Variants in GLB1 observed in about 807,000 individuals in gnomAD.
The protein encoded by GLB1 is galactosidase beta 1, also known as beta-galactosidase.
In GLB1, 56 loss-of-function variants were observed where a neutral mutation model predicts 74.0. The ratio of observed to expected loss-of-function variants is 0.76; its 90% CI spans 0.61 to 0.94. The LOEUF (loss-of-function observed/expected upper bound fraction) is 0.94, where lower values mean the gene tolerates loss of function less well. Ranked by LOEUF, GLB1 falls within the 40% of genes least tolerant of loss-of-function variation. The probability of loss-of-function intolerance (pLI) is 0.00; values close to 1 mark genes in which losing one functional copy is unlikely to be tolerated. For missense variants in GLB1, 787 were observed against 845.5 expected (o/e 0.93, Z 0.86); for synonymous variants, 323 against 323.6 (o/e 1.00, Z 0.02).
the GLB1 span, among the ~76,000 whole-genome samples, chr3:32,989,959 C>A: frequency 6.6e-6 from 1 of 152,190 alleles, no homozygotes; most frequent in Non-Finnish European, 1.5e-5. Flanking sequence ...TGTTATTATT[C>A]TTATTAAGCA....
chr3:32,990,867 G>A, the GLB1 span, among the ~76,000 whole-genome samples: 2 of 152,064 alleles, frequency 1.3e-5, no homozygotes, highest in Admixed American at 6.5e-5. Context: ...CCAGCTACTC[G>A]GGAGGCTGAG....
intron 2 of GLB1, among the ~76,000 whole-genome samples, chr3:33,070,511 C>G (rs1410562443): frequency 6.6e-6 from 1 of 152,146 alleles, no homozygotes; most frequent in Non-Finnish European, 1.5e-5. Flanking sequence ...ACAACAACAA[C>G]AGAAAACTCC....
chr3:33,037,708 A>G (rs892638937), intron 10 of GLB1, among the ~76,000 whole-genome samples: 1 of 152,212 alleles, frequency 6.6e-6, no homozygotes, highest in Non-Finnish European at 1.5e-5. Flanking sequence ...GGAGCAATTG[A>G]GCAATGGTGA....
intron 10 of GLB1, among the ~76,000 whole-genome samples, chr3:33,041,390 G>A (rs1050774263): frequency 6.6e-6 from 1 of 152,180 alleles, no homozygotes; most frequent in African/African-American, 2.4e-5. Context: ...GGCCGGGCAT[G>A]GTGGCTCACA....
At chr3:32,983,321 A>G in the GLB1 span, among the ~76,000 whole-genome samples, 1 of 152,074 alleles carries the variant, frequency 6.6e-6, no homozygotes, top group Admixed American at 6.5e-5. Context: ...GCTACATTCT[A>G]TATCATTTCT....
chr3:33,046,508 C>T (rs140883183), intron 9 of GLB1, among the ~76,000 whole-genome samples: 74 of 152,136 alleles, frequency 4.9e-4, no homozygotes, highest in African/African-American at 1.7e-3. Context: ...AGGTATCACC[C>T]CCACTGGACA....
chr3:33,021,547 A>G lies in GLB1; in HGVS notation c.1233+19T>C, dbSNP rs928397309. The G allele has an allele frequency of 5.6e-6, 9 of 1,611,972 alleles. No individual in the cohort carries two copies. The highest frequency in any genetic ancestry group is 3.3e-5 in the Admixed American group (2 of 59,716). On this transcript the variant is annotated intron_variant, in intron 12 of 15. Coordinates refer to ENST00000307363, the MANE Select transcript of GLB1 (RefSeq NM_000404.4). ...TTTGCAAGTAGAAAAAAGGCGAGGC[A>G]TTACCTTTGAAGGCCTACCTGTTTC...
At chr3:33,082,343 G>C (rs1262938222) in intron 1 of GLB1, among the ~76,000 whole-genome samples, 1 of 152,202 alleles carries the variant, frequency 6.6e-6, no homozygotes, top group East Asian at 1.9e-4. Context: ...CCCTCATAAT[G>C]AGTAGGAGCC....
intron 15 of GLB1, among the ~76,000 whole-genome samples, chr3:33,013,493 A>G (rs1213373719): frequency 6.6e-6 from 1 of 152,182 alleles, no homozygotes; most frequent in Admixed American, 6.5e-5. Flanking sequence ...TGGTAAGGTG[A>G]TCTAGGATGA....
Position 33,068,838 on chromosome 3 carries a change from GATGT to G in GLB1, c.374_377del (p.Tyr125SerfsTer15). 6.2e-7 allele frequency: 1 copy of G among 1,614,106 alleles called. No homozygotes were observed. The highest frequency in any genetic ancestry group is 8.5e-7 in the Non-Finnish European group (1 of 1,180,042). The stretch of plus-strand genomic sequence containing the variant: ...CACTCACCATTTCCCACTCTGCACA[GATGT>G]AGGGCCCGGGCCTCAGGATAACCAG... On this transcript the variant is annotated frameshift_variant, in exon 3 of 16. Coordinates refer to ENST00000307363, the MANE Select transcript of GLB1 (RefSeq NM_000404.4). LOFTEE classifies it high-confidence loss of function.
intron 1 of GLB1, among the ~76,000 whole-genome samples, chr3:33,082,291 A>G (rs1375873741): frequency 2.0e-5 from 3 of 152,222 alleles, no homozygotes; most frequent in Admixed American, 1.3e-4. Context: ...TTCCCTGGCT[A>G]TGAGTTCAAA....
chr3:32,970,626 C>T, the GLB1 span, among the ~76,000 whole-genome samples: 1 of 152,150 alleles, frequency 6.6e-6, no homozygotes, highest in East Asian at 1.9e-4. Flanking sequence ...CATGTCTACT[C>T]TCACTGCTGT....
chr3:33,051,930 C>T lies in GLB1; in HGVS notation c.867G>A (p.Val289=). ...CAAGTATATCATAGAGGGAGGAAGC[C>T]ACTGCTTCGGTCTTGATTGTGGAGT... ...QPHSTIKTEA[V]ASSLYDILAR... is the part of the protein sequence containing the mutation. Residue 289 remains valine, a synonymous_variant, in exon 8 of 16, where the codon GTG becomes GTA. Transcript: ENST00000307363. The T allele has an allele frequency of 1.2e-6, 2 of 1,614,204 alleles. No individual in the cohort carries two copies. Among genetic ancestry groups the T allele is most frequent in the Non-Finnish European group, 1.7e-6 (2 of 1,180,042 alleles).
chr3:33,007,778 T>C (rs1696847069), intron 15 of GLB1, among the ~76,000 whole-genome samples: 1 of 152,228 alleles, frequency 6.6e-6, no homozygotes, highest in African/African-American at 2.4e-5. Context: ...CTTTCAAGCC[T>C]GGAGATGCAG....
At chr3:33,068,693 C>T in intron 3 of GLB1, 127 bp downstream of exon 3, 1 of 1,554,872 alleles carries the variant, frequency 6.4e-7, no homozygotes. Context: ...GTAAAAGACA[C>T]CTGTGCTGGG....
chr3:32,966,953 A>G, the GLB1 span, among the ~76,000 whole-genome samples: 1 of 152,146 alleles, frequency 6.6e-6, no homozygotes, highest in Non-Finnish European at 1.5e-5. Context: ...AGTCCATTAG[A>G]TTTCTTTCCT....
At chr3:32,970,896 A>C in the GLB1 span, among the ~76,000 whole-genome samples, 1 of 152,252 alleles carries the variant, frequency 6.6e-6, no homozygotes, top group Admixed American at 6.5e-5. Context: ...AAAAAGAAAG[A>C]GAGCTTATAG....
At chr3:32,965,869 C>T in the GLB1 span, among the ~76,000 whole-genome samples, 836 of 152,334 alleles carry the variant, frequency 5.5e-3, 13 homozygotes, top group Non-Finnish European at 6.1e-3. Context: ...GCTGTGGCTT[C>T]AGAGAGTGCA....
intron 1 of GLB1, among the ~76,000 whole-genome samples, chr3:33,078,812 T>C (rs1488196996): frequency 1.3e-5 from 2 of 152,188 alleles, no homozygotes; most frequent in Non-Finnish European, 2.9e-5. Context: ...TCCTAATTCT[T>C]TTATTTTTAT....
Sources: allele counts gnomAD v4.1 joint callset (sites outside exome capture counted in the v4.1 genomes callset), GRCh38; gene constraint gnomAD v4.1.1; transcripts MANE v1.5; gene names NCBI Gene and HGNC (gene_info 2026-07-23, HGNC 2026-07-21).